The following CEP72 variants were observed in gnomAD, a reference collection of about 807,000 sequenced individuals.
CEP72 encodes centrosomal protein 72.
Under a neutral mutation model 65.7 loss-of-function variants are expected in CEP72, and 78 were observed. The ratio of observed to expected loss-of-function variants is 1.19; its 90% CI spans 0.99 to 1.43. The LOEUF (loss-of-function observed/expected upper bound fraction) is 1.43, where lower values mean the gene tolerates loss of function less well. CEP72 is among the 40% of genes most tolerant of loss of function. The probability of loss-of-function intolerance (pLI) is 0.00; values close to 1 mark genes in which losing one functional copy is unlikely to be tolerated. For missense variants in CEP72, 914 were observed against 832.9 expected (o/e 1.10, Z -1.20); for synonymous variants, 358 against 351.7 (o/e 1.02, Z -0.20).
intron 4 of CEP72, among the ~76,000 whole-genome samples, 181 bp from the exon 5 acceptor site, chr5:633,588 T>C (rs1737372234): frequency 6.6e-6 from 1 of 152,246 alleles, no homozygotes. Flanking sequence ...TGCTCACCGA[T>C]TGTCCTTGGT....
intron 1 of CEP72, 65 bp from the exon 2 acceptor site, chr5:618,925 C>G: frequency 7.5e-7 from 1 of 1,341,330 alleles, no homozygotes; most frequent in Non-Finnish European, 1.1e-6. Flanking sequence ...ACACCAAGAA[C>G]TTGACCGTTA....
At chr5:643,424 A>T in intron 9 of CEP72, 1 of 985,394 alleles carries the variant, frequency 1.0e-6, no homozygotes, top group African/African-American at 1.7e-5. Context: ...CCTGAGGGGA[A>T]TGGTCTCAGA....
chr5:639,030 C>G, intron 7 of CEP72, 59 bp from the exon 8 acceptor site: 1 of 1,606,118 alleles, frequency 6.2e-7, no homozygotes, highest in Non-Finnish European at 8.5e-7. Flanking sequence ...TGGGCACCTG[C>G]TGGCATTCAG....
downstream of CEP72, among the ~76,000 whole-genome samples, chr5:653,844 A>G (rs1247153273): frequency 6.6e-6 from 1 of 152,236 alleles, no homozygotes; most frequent in Admixed American, 6.5e-5. Context: ...TGGAAACTTC[A>G]TATCTTATGT....
At chr5:617,615 G>T (rs974665002) in intron 1 of CEP72, among the ~76,000 whole-genome samples, 1 of 152,240 alleles carries the variant, frequency 6.6e-6, no homozygotes, top group Non-Finnish European at 1.5e-5. Context: ...CTGCTTGTCT[G>T]TGTGCCTCCA....
chr5:665,919 G>GGCCCCCC, intron 3 of CEP72: 1 of 344,042 alleles, frequency 2.9e-6, no homozygotes, highest in Non-Finnish European at 4.0e-6. Context: ...CACCTTCCAG[G>GGCCCCCC]CCCCGCCCCC....
Position 653,182 on chromosome 5 carries a change from A to C in CEP72, c.*29A>C. The C allele has an allele frequency of 1.9e-6, 3 of 1,557,864 alleles. No individual in the cohort carries two copies. The highest frequency in any genetic ancestry group is 2.6e-6 in the Non-Finnish European group (3 of 1,156,114). ...CTGCCGAGAAGCTGGGCCACCCCTT[A>C]AGCTTCCTGGTAAAGTTACATTGTC... On this transcript the variant is annotated 3_prime_UTR_variant, in exon 12 of 12. Transcript: ENST00000264935.
downstream of CEP72, among the ~76,000 whole-genome samples, chr5:670,027 G>A (rs762473969): frequency 2.4e-4 from 36 of 152,302 alleles, no homozygotes; most frequent in Admixed American, 9.8e-4. Context: ...GGACGCAGCC[G>A]CTGCTCATAC....
intron 10 of CEP72, 53 bp downstream of exon 10, chr5:644,478 C>G: frequency 2.5e-6 from 4 of 1,584,142 alleles, no homozygotes; most frequent in Non-Finnish European, 3.5e-6. Flanking sequence ...TTCAAATGTG[C>G]CTAGGTAGAC....
At chr5:638,466 A>C (rs1737771154) in intron 7 of CEP72, among the ~76,000 whole-genome samples, 1 of 151,928 alleles carries the variant, frequency 6.6e-6, no homozygotes, top group African/African-American at 2.4e-5. Flanking sequence ...CGAGGGCTTC[A>C]GACTCCCATG....
chr5:639,673 G>A (rs949236057), intron 8 of CEP72, among the ~76,000 whole-genome samples: 1 of 152,200 alleles, frequency 6.6e-6, no homozygotes, highest in African/African-American at 2.4e-5. Flanking sequence ...GAGGACTTGG[G>A]TCTGTTGGAT....
At chr5:667,074 A>T (rs1580074206) in exon 5 of CEP72, 1 of 128,848 alleles carries the variant, frequency 7.8e-6, no homozygotes, top group African/African-American at 5.2e-5. Flanking sequence ...AATGACCCAT[A>T]AAACCCCAGC....
chr5:651,058 G>A (rs1192192458), intron 11 of CEP72, among the ~76,000 whole-genome samples: 24 of 87,350 alleles, frequency 2.7e-4, no homozygotes, highest in Non-Finnish European at 3.3e-4. Context: ...ACTGTGAGGT[G>A]TGGACTGTGA....
At chr5:665,171 G>T (rs138152607) in intron 2 of CEP72, 220 of 1,613,654 alleles carry the variant, frequency 1.4e-4, no homozygotes, top group Non-Finnish European at 1.6e-4. Context: ...AGCCTGACTC[G>T]TCCACCAGAT....
intron 5 of CEP72, among the ~76,000 whole-genome samples, chr5:634,893 G>GT (rs1406286472): frequency 6.6e-6 from 1 of 152,102 alleles, no homozygotes; most frequent in East Asian, 1.9e-4. Context: ...AGTTTATTTT[G>GT]TTTTTTGTTT....
chr5:620,338 G>T, intron 3 of CEP72, 77 bp downstream of exon 3: 1 of 1,278,074 alleles, frequency 7.8e-7, no homozygotes, highest in Non-Finnish European at 1.1e-6. Context: ...GTGGGTGTCT[G>T]TGTGCTCAAC....
At chr5:621,161 TA>T (rs1270652611) in intron 3 of CEP72, among the ~76,000 whole-genome samples, 1 of 152,242 alleles carries the variant, frequency 6.6e-6, no homozygotes, top group African/African-American at 2.4e-5. Context: ...CAGGGGCCTA[TA>T]AACGTTCCCT....
In CEP72 at chr5:635,219, T is replaced by A. The variant is rs551586276; in HGVS notation, c.692-153T>A. The stretch of plus-strand genomic sequence containing the variant: ...TTCCAAGCTCTCTTGCTGTTAGAAG[T>A]CACTGTGGATTCATTTCAGTGTCAC... On this transcript the variant is annotated intron_variant, in intron 5 of 11. Coordinates refer to ENST00000264935, the MANE Select transcript of CEP72 (RefSeq NM_018140.4). Among the ~76,000 whole-genome samples the A allele has an allele frequency of 2.6e-5, 4 of 152,350 alleles. No individual in the cohort carries two copies. The South Asian group carries it at 8.3e-4, about 32-fold the overall frequency.
In CEP72 at chr5:624,563, T is replaced by A; in HGVS notation, c.496T>A (p.Ser166Thr). 6.2e-7 allele frequency: 1 copy of A among 1,612,776 alleles called. No individual in the cohort carries two copies. The highest frequency in any genetic ancestry group is 1.1e-5 in the South Asian group (1 of 91,060). ...SLDSKESVPA[S>T]LKEGRPHHPR... ...CGACTCCAAAGAGAGCGTCCCAGCT[T>A]CTTTGAAAGAGGGCAGGTATGAACG... is the stretch of plus-strand genomic sequence containing the variant. Residue 166 changes from serine (S) to threonine (T), a missense_variant, in exon 4 of 12, where the codon TCT (serine) becomes ACT (threonine). Coordinates refer to ENST00000264935, the MANE Select transcript of CEP72 (RefSeq NM_018140.4). The surrounding 1 kb of genome is among the most constrained non-coding windows in gnomAD (Gnocchi z 4.7).
Sources: allele counts gnomAD v4.1 joint callset (sites outside exome capture counted in the v4.1 genomes callset), GRCh38; gene constraint gnomAD v4.1.1; non-coding constraint Gnocchi (gnomAD v3.1); transcripts MANE v1.5; gene names NCBI Gene and HGNC (gene_info 2026-07-23, HGNC 2026-07-21).